The following HCN1 variants were observed in gnomAD, a reference collection of about 807,000 sequenced individuals.
HCN1 encodes the protein hyperpolarization activated cyclic nucleotide gated potassium channel 1, also known as potassium/sodium hyperpolarization-activated cyclic nucleotide-gated channel 1.
In HCN1, 13 loss-of-function variants were observed where a neutral mutation model predicts 78.9. That is an observed-to-expected ratio of 0.16 (90% CI 0.11 to 0.26). HCN1 has a LOEUF of 0.26. Among genes scored for constraint, HCN1 ranks in the 10% least tolerant of loss-of-function variants. The pLI is 1.00. For synonymous variants in HCN1, 552 were observed against 455.5 expected (o/e 1.21, Z -2.70); for missense variants, 810 against 1,154.3 (o/e 0.70, Z 4.32).
rs1347018684 is a variant in HCN1, at chr5:45,257,920, A to G, written c.*4001T>C. Reference sequence around the variant, plus strand: ...TCAAAATAGCTCAGCATTCCATTCTATAAGGCCCATGTTTCTTTCCCATGG... The same window carrying G: ...TCAAAATAGCTCAGCATTCCATTCTGTAAGGCCCATGTTTCTTTCCCATGG... On this transcript the variant is annotated 3_prime_UTR_variant, in exon 8 of 8. Transcript: ENST00000303230. The G allele has an allele frequency of 7.0e-6, 1 of 143,502 alleles. No individual in the cohort carries two copies. Among genetic ancestry groups the G allele is most frequent in the Non-Finnish European group, 1.5e-5 (1 of 67,320 alleles). The allele number at this position is 143,502 out of a possible 1,614,324, so 8.9% of individuals were successfully genotyped here.
At chr5:45,359,123 T>G (rs1747063255) in intron 4 of HCN1, among the ~76,000 whole-genome samples, 1 of 152,096 alleles carries the variant, frequency 6.6e-6, no homozygotes, top group Admixed American at 6.6e-5. Flanking sequence ...AATAAATTTG[T>G]ATGCCCTTTT....
chr5:45,593,336 TCTCTCACACACACA>T (rs1361794269), intron 2 of HCN1, among the ~76,000 whole-genome samples: 4 of 136,410 alleles, frequency 2.9e-5, no homozygotes, highest in South Asian at 2.4e-4. Context: ...TCTCTCTCTC[TCTCTCACACACACA>T]CACACACACA....
intron 2 of HCN1, among the ~76,000 whole-genome samples, chr5:45,562,910 T>C (rs770423524): frequency 1.6e-4 from 25 of 152,132 alleles, no homozygotes; most frequent in African/African-American, 2.7e-4. Context: ...GCAAAATACA[T>C]AGGATATGTG....
chr5:45,470,284 A>G (rs1741364801), intron 2 of HCN1, among the ~76,000 whole-genome samples: 1 of 150,712 alleles, frequency 6.6e-6, no homozygotes, highest in Non-Finnish European at 1.5e-5. Context: ...AGAAATCACT[A>G]AGTACATGAT....
chr5:45,399,579 TA>T (rs1441510146), intron 3 of HCN1, among the ~76,000 whole-genome samples: 1 of 152,194 alleles, frequency 6.6e-6, no homozygotes, highest in Non-Finnish European at 1.5e-5. Flanking sequence ...CAAGCTATTT[TA>T]TTTTGAATAG....
At chr5:45,588,682 C>T (rs1744292944) in intron 2 of HCN1, among the ~76,000 whole-genome samples, 1 of 152,162 alleles carries the variant, frequency 6.6e-6, no homozygotes, top group African/African-American at 2.4e-5. Flanking sequence ...GTCACCCCCT[C>T]CAGGAGGACT....
chr5:45,310,407 T>C (rs1185063222), intron 5 of HCN1, among the ~76,000 whole-genome samples: 4 of 152,044 alleles, frequency 2.6e-5, no homozygotes, highest in African/African-American at 4.8e-5. Flanking sequence ...AACAAGCATA[T>C]GATAAAGAGA....
At chr5:45,574,452 T>C (rs1267355689) in intron 2 of HCN1, 1 of 152,116 alleles carries the variant, frequency 6.6e-6, no homozygotes, top group Non-Finnish European at 1.5e-5. Context: ...TAAGTGTGTG[T>C]TCTGACTGCT....
chr5:45,571,850 G>T lies in HCN1; in HGVS notation c.849+73335C>A, dbSNP rs565751692. On this transcript the variant is annotated intron_variant, in intron 2 of 7. Transcript: ENST00000303230. ...AATTGCCTGAACCTGGGAGGCAGAG[G>T]TTGCAGTGAGCTGAGATCATGCCAT... is the stretch of plus-strand genomic sequence containing the variant. Among the ~76,000 whole-genome samples, 25 of 152,254 alleles carry T rather than the reference G, an allele frequency of 1.6e-4. No homozygotes were observed. In the South Asian group the frequency reaches 3.3e-3, roughly 20 times the overall value.
At chr5:45,312,967 A>G (rs1258450472) in intron 5 of HCN1, among the ~76,000 whole-genome samples, 2 of 152,178 alleles carry the variant, frequency 1.3e-5, no homozygotes, top group Non-Finnish European at 2.9e-5. Flanking sequence ...AAAAGGCAGC[A>G]GAAACCTCTG....
At chr5:45,592,999 A>G (rs1172141361) in intron 2 of HCN1, among the ~76,000 whole-genome samples, 1 of 152,188 alleles carries the variant, frequency 6.6e-6, no homozygotes, top group Admixed American at 6.5e-5. Flanking sequence ...AATGTGCCCA[A>G]ATATTTTTAT....
intron 3 of HCN1, among the ~76,000 whole-genome samples, chr5:45,442,487 T>G (rs1740696689): frequency 6.6e-6 from 1 of 151,490 alleles, no homozygotes; most frequent in South Asian, 2.1e-4. Flanking sequence ...AAGCAATAAT[T>G]ATATAAAATG....
intron 6 of HCN1, among the ~76,000 whole-genome samples, chr5:45,276,326 A>C (rs1745057655): frequency 6.6e-6 from 1 of 152,156 alleles, no homozygotes; most frequent in African/African-American, 2.4e-5. Context: ...TCATTAGTGC[A>C]GTGTCACACT....
chr5:45,581,617 T>C (rs1744074415), intron 2 of HCN1, among the ~76,000 whole-genome samples: 1 of 152,160 alleles, frequency 6.6e-6, no homozygotes. Context: ...CTGAATGGTA[T>C]TGCCTAGGTT....
Position 45,396,504 on chromosome 5 carries a change from C to T in HCN1, c.1218G>A (p.Gln406=), listed in dbSNP as rs1384214329. ...LIQSLDSSRR[Q]YQEKYKQVEQ... ...TAAAACAAATTACCTTCTCTTGATACTGCCGCCTCGAAGAATCCAGAGACT... is the reference window on the plus strand; with the variant it reads ...TAAAACAAATTACCTTCTCTTGATATTGCCGCCTCGAAGAATCCAGAGACT... Residue 406 remains glutamine, a synonymous_variant, in exon 4 of 8, where the codon CAG becomes CAA. Transcript: ENST00000303230. 2 of 1,613,118 alleles carry T rather than the reference C, an allele frequency of 1.2e-6. No individual in the cohort carries two copies. Among genetic ancestry groups the T allele is most frequent in the Non-Finnish European group, 8.5e-7 (1 of 1,179,646 alleles).
intron 3 of HCN1, among the ~76,000 whole-genome samples, chr5:45,451,529 AGACTAAATGTAAT>A (rs1161381844): frequency 5.7e-4 from 87 of 152,214 alleles, no homozygotes; most frequent in African/African-American, 1.9e-3. Flanking sequence ...CAAAAGTTGT[AGACTAAATGTAAT>A]CATAAATAAA....
chr5:45,359,858 ATTGGCATTG>A (rs1286408206), intron 4 of HCN1, among the ~76,000 whole-genome samples: 1 of 151,698 alleles, frequency 6.6e-6, no homozygotes, highest in Non-Finnish European at 1.5e-5. Flanking sequence ...ATTAAGTTTT[ATTGGCATTG>A]TAAAACTCCA....
At position 45,374,092 on chromosome 5, in the gene HCN1, GTATATAATATATATTATATACATAATA is replaced by G. The variant is rs1173861883; in HGVS notation, c.1231-20873_1231-20847del. 2.0e-3 allele frequency among the ~76,000 whole-genome samples: 68 copies of G among 34,482 alleles called. 1 individual carries two copies. The highest frequency in any genetic ancestry group is 8.6e-3 in the East Asian group (10 of 1,168). The allele number at this position is 34,482 out of a possible 152,430, so 22.6% of individuals were successfully genotyped here. A position where few individuals can be genotyped will look rare whatever the true frequency, so the allele number is the denominator to read the frequency against. Reference sequence around the variant, plus strand: ...TATATATAATATCTATTACATATATGTATATAATATATATTATATACATAATATATATAATATATATTATATACATAT... The same window carrying G: ...TATATATAATATCTATTACATATATGTATATAATATATATTATATACATAT... On this transcript the variant is annotated intron_variant, in intron 4 of 7. Transcript: ENST00000303230.
intron 2 of HCN1, among the ~76,000 whole-genome samples, chr5:45,573,687 A>T (rs1296296936): frequency 6.6e-6 from 1 of 152,088 alleles, no homozygotes; most frequent in East Asian, 1.9e-4. Context: ...ACTTAAAAAA[A>T]ATCTATGAGG....
Sources: gnomAD v4.1 joint callset for allele counts (sites outside exome capture counted in the v4.1 genomes callset) on GRCh38, gnomAD v4.1.1 for gene constraint, MANE v1.5 for transcripts, NCBI Gene and HGNC (gene_info 2026-07-23, HGNC 2026-07-21) for gene names.